PRR16: variants seen among roughly 807,000 people sequenced by gnomAD.
PRR16 encodes the protein proline rich 16.
PRR16 carries 6 observed loss-of-function variants against 18.2 expected under a neutral mutation model. That is an observed-to-expected ratio of 0.33 (90% CI 0.18 to 0.65). The LOEUF (loss-of-function observed/expected upper bound fraction) is 0.65. Ranked by LOEUF, PRR16 falls within the 30% of genes least tolerant of loss-of-function variation. The probability of loss-of-function intolerance (pLI) is 0.74; values close to 1 mark genes in which losing one functional copy is unlikely to be tolerated. For missense variants in PRR16, 412 were observed against 376.6 expected (o/e 1.09, Z -0.78); for synonymous variants, 151 against 147.8 (o/e 1.02, Z -0.16).
At chr5:120,645,441 T>C (rs10074952) in intron 1 of PRR16, among the ~76,000 whole-genome samples, 1 of 149,798 alleles carries the variant, frequency 6.7e-6, no homozygotes, top group Non-Finnish European at 1.5e-5. Context: ...TTATTTTAGT[T>C]GAAGTGCAAC....
intron 1 of PRR16, among the ~76,000 whole-genome samples, chr5:120,613,724 C>G (rs1338104425): frequency 6.6e-6 from 1 of 152,120 alleles, no homozygotes; most frequent in African/African-American, 2.4e-5. Flanking sequence ...GGCACTAACA[C>G]ATCGTTTAGA....
At chr5:120,632,828 C>G (rs1290338968) in intron 1 of PRR16, among the ~76,000 whole-genome samples, 1 of 152,158 alleles carries the variant, frequency 6.6e-6, no homozygotes, top group East Asian at 1.9e-4. Flanking sequence ...TTGAGAAACA[C>G]TTTCTTGGCT....
the PRR16 span, among the ~76,000 whole-genome samples, chr5:120,794,083 A>G: frequency 1.4e-3 from 217 of 152,264 alleles, no homozygotes; most frequent in African/African-American, 4.9e-3. Context: ...AAAGACTAAG[A>G]TGACATTTTC....
rs528446991 is a variant in PRR16, at chr5:120,496,355, A to T, written c.159+31710A>T. 1.3e-3 allele frequency among the ~76,000 whole-genome samples: 205 copies of T among 152,172 alleles called. 1 individual carries two copies. The highest frequency in any genetic ancestry group is 4.7e-3 in the African/African-American group (197 of 41,562). On this transcript the variant is annotated intron_variant, in intron 1 of 1. Transcript: ENST00000407149. ...GAACTGCAGATTTTCTTACTTAGGG[A>T]TTTAAAAATTATTAATTCAATTTCC...
At chr5:120,586,841 A>T (rs1395106783) in intron 1 of PRR16, among the ~76,000 whole-genome samples, 1 of 152,186 alleles carries the variant, frequency 6.6e-6, no homozygotes, top group Non-Finnish European at 1.5e-5. Flanking sequence ...CTCTCCTTTC[A>T]GTGAAAAGCT....
the PRR16 span, among the ~76,000 whole-genome samples, chr5:120,703,361 G>T: frequency 6.6e-6 from 1 of 152,206 alleles, no homozygotes; most frequent in Non-Finnish European, 1.5e-5. Context: ...GGGCGTATAC[G>T]TGCAAGTCAC....
At position 120,686,319 on chromosome 5, in the gene PRR16, C is replaced by G. The variant is rs1278097781; in HGVS notation, c.525C>G (p.Pro175=). 6.2e-7 allele frequency: 1 copy of G among 1,614,002 alleles called. No homozygotes were observed. Among genetic ancestry groups the G allele is most frequent in the Non-Finnish European group, 8.5e-7 (1 of 1,180,026 alleles). Residue 175 remains proline (P), a synonymous_variant, in exon 2 of 2, where the codon CCC becomes CCG. Transcript: ENST00000407149. ...CAAATGGAGATATCTGCTGCATACC[C>G]AACAGTAACTTGGACAAGGCTCCAG... The part of the protein sequence containing the change: ...KIPNGDICCI[P]NSNLDKAPVQ...
At chr5:120,704,880 A>G in the PRR16 span, among the ~76,000 whole-genome samples, 7 of 152,192 alleles carry the variant, frequency 4.6e-5, no homozygotes, top group African/African-American at 1.4e-4. Context: ...TGTGTAAGAG[A>G]CAAGAATGTA....
chr5:120,657,769 C>G (rs183117950), intron 1 of PRR16, among the ~76,000 whole-genome samples: 104 of 152,036 alleles, frequency 6.8e-4, no homozygotes, highest in Non-Finnish European at 1.4e-3. Flanking sequence ...GATGTGACAA[C>G]TTGGAAGAAA....
At chr5:120,477,528 TC>T (rs1378212867) in intron 1 of PRR16, among the ~76,000 whole-genome samples, 1 of 152,176 alleles carries the variant, frequency 6.6e-6, no homozygotes, top group African/African-American at 2.4e-5. Context: ...ACCATCCTGG[TC>T]CAAGCCACAC....
the PRR16 span, among the ~76,000 whole-genome samples, chr5:120,727,717 T>C: frequency 6.6e-6 from 1 of 152,148 alleles, no homozygotes; most frequent in African/African-American, 2.4e-5. Flanking sequence ...TAGATATTTA[T>C]GTTAAATATC....
chr5:120,579,102 T>A (rs779864720), intron 1 of PRR16, among the ~76,000 whole-genome samples: 50 of 152,114 alleles, frequency 3.3e-4, no homozygotes, highest in Non-Finnish European at 6.6e-4. Context: ...GGGGTGTTTA[T>A]TTTTTTCTTA....
chr5:120,486,613 G>A (rs1314184402), intron 1 of PRR16, among the ~76,000 whole-genome samples: 8 of 152,098 alleles, frequency 5.3e-5, no homozygotes, highest in Admixed American at 4.6e-4. Flanking sequence ...TCACTCTGAT[G>A]GTAGTTTCTT....
chr5:120,553,830 C>T (rs894829175), intron 1 of PRR16, among the ~76,000 whole-genome samples: 21 of 151,784 alleles, frequency 1.4e-4, no homozygotes, highest in Admixed American at 1.2e-3. Flanking sequence ...AAAACATACT[C>T]AGATTATATC....
At chr5:120,771,241 C>T in the PRR16 span, among the ~76,000 whole-genome samples, 1 of 151,962 alleles carries the variant, frequency 6.6e-6, no homozygotes, top group African/African-American at 2.4e-5. Flanking sequence ...AATGTGCTTT[C>T]TGGTTATGGA....
At chr5:120,484,032 G>T (rs1008866127) in intron 1 of PRR16, among the ~76,000 whole-genome samples, 3 of 151,858 alleles carry the variant, frequency 2.0e-5, no homozygotes, top group African/African-American at 7.2e-5. Flanking sequence ...CTAAAAATTT[G>T]CATACTGTCA....
chr5:120,718,209 A>G, the PRR16 span, among the ~76,000 whole-genome samples: 1 of 152,218 alleles, frequency 6.6e-6, no homozygotes, highest in Admixed American at 6.5e-5. Context: ...TTTAATATTC[A>G]TTTACCATTT....
chr5:120,791,597 A>ATCTATCTC, the PRR16 span, among the ~76,000 whole-genome samples: 44 of 137,700 alleles, frequency 3.2e-4, no homozygotes, highest in Non-Finnish European at 6.3e-4. Context: ...CTATCTATCT[A>ATCTATCTC]TCTATCTATC....
chr5:120,538,593 T>A (rs1449785035), intron 1 of PRR16, among the ~76,000 whole-genome samples: 2 of 152,208 alleles, frequency 1.3e-5, no homozygotes, highest in African/African-American at 2.4e-5. Flanking sequence ...GTTAAAACAT[T>A]TTGATAACTG....
Sources: allele counts gnomAD v4.1 joint callset (sites outside exome capture counted in the v4.1 genomes callset), GRCh38; gene constraint gnomAD v4.1.1; transcripts MANE v1.5; gene names NCBI Gene and HGNC (gene_info 2026-07-23, HGNC 2026-07-21).